CNTNAP2: variants seen among roughly 807,000 people sequenced by gnomAD.
CNTNAP2 encodes the protein contactin-associated protein-like 2.
In CNTNAP2, 98 loss-of-function variants were observed where a neutral mutation model predicts 155.2. The ratio of observed to expected loss-of-function variants is 0.63; its 90% CI spans 0.54 to 0.75. The LOEUF is 0.75. CNTNAP2 is among the 30% of genes least tolerant of loss of function. The probability of loss-of-function intolerance (pLI) is 0.00; values close to 1 mark genes in which losing one functional copy is unlikely to be tolerated. For synonymous variants in CNTNAP2, 651 were observed against 631.2 expected (o/e 1.03, Z -0.47); for missense variants, 1,727 against 1,688.1 (o/e 1.02, Z -0.40).
intron 3 of CNTNAP2, among the ~76,000 whole-genome samples, chr7:146,841,940 T>G (rs1340161269): frequency 6.6e-6 from 1 of 151,798 alleles, no homozygotes; most frequent in African/African-American, 2.4e-5. Context: ...TGGAATGCAG[T>G]GGTGTGATCT....
chr7:147,458,539 G>A (rs568507445), intron 10 of CNTNAP2, among the ~76,000 whole-genome samples: 3 of 152,270 alleles, frequency 2.0e-5, no homozygotes, highest in South Asian at 4.1e-4. Flanking sequence ...CCAGGGCTTT[G>A]ATATCAGACT....
intron 9 of CNTNAP2, among the ~76,000 whole-genome samples, chr7:147,365,737 CTATTT>C (rs1265287827): frequency 6.6e-6 from 1 of 152,002 alleles, no homozygotes; most frequent in Non-Finnish European, 1.5e-5. Context: ...GTTATATTTC[CTATTT>C]TATAATTATT....
chr7:147,956,087 A>G (rs1381688281), intron 14 of CNTNAP2, among the ~76,000 whole-genome samples: 1 of 152,188 alleles, frequency 6.6e-6, no homozygotes, highest in Non-Finnish European at 1.5e-5. Context: ...GCTCATATAT[A>G]CCAGTTCTTT....
rs73745584 is a variant in CNTNAP2, at chr7:148,336,613, C to T, written c.3476-47036C>T. On this transcript the variant is annotated intron_variant, in intron 21 of 23. Coordinates refer to ENST00000361727, the MANE Select transcript of CNTNAP2 (RefSeq NM_014141.6). Reference sequence around the variant, plus strand: ...AACAAGTAGTCATTTTAACAACTGGCGGAGCCAAGAAAATGCGATCTAGTT... The same window carrying T: ...AACAAGTAGTCATTTTAACAACTGGTGGAGCCAAGAAAATGCGATCTAGTT... Among the ~76,000 whole-genome samples, 1,399 of 151,294 alleles carry T rather than the reference C, an allele frequency of 9.2e-3. 17 individuals carry two copies. Among genetic ancestry groups the T allele is most frequent in the African/African-American group, 0.032 (1,311 of 41,330 alleles).
chr7:146,783,404 T>G (rs540397881), intron 2 of CNTNAP2, among the ~76,000 whole-genome samples: 1 of 152,316 alleles, frequency 6.6e-6, no homozygotes, highest in South Asian at 2.1e-4. Flanking sequence ...ACTGGTATTG[T>G]GAATTTTAAT....
At chr7:147,926,060 A>T (rs1800392223) in intron 14 of CNTNAP2, among the ~76,000 whole-genome samples, 1 of 152,228 alleles carries the variant, frequency 6.6e-6, no homozygotes, top group Admixed American at 6.5e-5. Flanking sequence ...GAAAACAAAT[A>T]TATTTAATTA....
intron 1 of CNTNAP2, among the ~76,000 whole-genome samples, chr7:146,564,108 G>A (rs1405982481): frequency 6.6e-6 from 1 of 152,104 alleles, no homozygotes; most frequent in Non-Finnish European, 1.5e-5. Context: ...GGAAGTTCTG[G>A]CTGATATTTA....
At chr7:147,257,174 A>G (rs1380329217) in intron 8 of CNTNAP2, among the ~76,000 whole-genome samples, 2 of 152,154 alleles carry the variant, frequency 1.3e-5, no homozygotes. Flanking sequence ...TTGTTTTAAG[A>G]GGAAGTAAAT....
chr7:147,770,595 G>A (rs1797453935), intron 13 of CNTNAP2, among the ~76,000 whole-genome samples: 1 of 152,058 alleles, frequency 6.6e-6, no homozygotes, highest in Admixed American at 6.6e-5. Context: ...AAGAAAATGA[G>A]ATTTTTTTAA....
chr7:146,163,327 A>G (rs1248600500), intron 1 of CNTNAP2, among the ~76,000 whole-genome samples: 4 of 151,444 alleles, frequency 2.6e-5, no homozygotes, highest in Non-Finnish European at 4.4e-5. Flanking sequence ...TAATCCGAGC[A>G]TTTTGGGAGG....
intron 3 of CNTNAP2, among the ~76,000 whole-genome samples, chr7:146,878,449 T>C (rs1374916680): frequency 6.8e-6 from 1 of 147,620 alleles, no homozygotes; most frequent in Admixed American, 6.7e-5. Flanking sequence ...ACTCTTGAGT[T>C]TTTTTTTTTA....
chr7:148,214,805 G>C (rs1311506606), intron 18 of CNTNAP2, among the ~76,000 whole-genome samples: 1 of 152,100 alleles, frequency 6.6e-6, no homozygotes, highest in Non-Finnish European at 1.5e-5. Flanking sequence ...TCCTGGCCTC[G>C]TGATCCGCCA....
chr7:147,085,647 A>T (rs1292540526), intron 4 of CNTNAP2: 1 of 152,196 alleles, frequency 6.6e-6, no homozygotes, highest in Non-Finnish European at 1.5e-5. Flanking sequence ...AGAGCTAAAA[A>T]CATACAGACT....
chr7:146,935,323 G>A lies in CNTNAP2; in HGVS notation c.402+95419G>A, dbSNP rs192032654. The stretch of plus-strand genomic sequence containing the variant: ...ACTGGGTATACTTTTACTTGTGAAG[G>A]ATTTGGCAGCCAGACTTATATGTAG... On this transcript the variant is annotated intron_variant, in intron 3 of 23. Transcript: ENST00000361727. 1.1e-4 allele frequency among the ~76,000 whole-genome samples: 17 copies of A among 152,292 alleles called. No individual in the cohort carries two copies. In the South Asian group the frequency reaches 2.5e-3, roughly 22 times the overall value.
At chr7:146,796,005 G>GA (rs1232932480) in intron 2 of CNTNAP2, among the ~76,000 whole-genome samples, 1 of 152,062 alleles carries the variant, frequency 6.6e-6, no homozygotes, top group African/African-American at 2.4e-5. Flanking sequence ...ACACATGAAA[G>GA]AAAAATCATA....
chr7:147,601,310 A>C (rs1283138607), intron 12 of CNTNAP2, among the ~76,000 whole-genome samples: 1 of 151,366 alleles, frequency 6.6e-6, no homozygotes, highest in Non-Finnish European at 1.5e-5. Flanking sequence ...CAGCAAAGGG[A>C]GATGGGGTGG....
chr7:147,484,911 T>C (rs1402442053), intron 10 of CNTNAP2, among the ~76,000 whole-genome samples: 1 of 152,242 alleles, frequency 6.6e-6, no homozygotes, highest in African/African-American at 2.4e-5. Flanking sequence ...TAGATGTCCT[T>C]TGTGAATACT....
intron 1 of CNTNAP2, among the ~76,000 whole-genome samples, chr7:146,469,275 C>A (rs924388113): frequency 2.0e-5 from 3 of 151,982 alleles, no homozygotes; most frequent in Non-Finnish European, 4.4e-5. Context: ...CCCTCCCTTT[C>A]ACCAGTGTTT....
At chr7:146,291,724 A>C (rs1255466421) in intron 1 of CNTNAP2, among the ~76,000 whole-genome samples, 2 of 152,222 alleles carry the variant, frequency 1.3e-5, no homozygotes, top group African/African-American at 4.8e-5. Context: ...CCAAATATCT[A>C]TAATTTTTAA....
Sources: allele counts gnomAD v4.1 joint callset (sites outside exome capture counted in the v4.1 genomes callset), GRCh38; gene constraint gnomAD v4.1.1; transcripts MANE v1.5; gene names NCBI Gene and HGNC (gene_info 2026-07-23, HGNC 2026-07-21).